The following MEI1 variants were observed in gnomAD, a reference collection of about 807,000 sequenced individuals.
MEI1 encodes the protein meiotic double-stranded break formation protein 1, also known as meiosis inhibitor protein 1.
MEI1 carries 103 observed loss-of-function variants against 146.2 expected under a neutral mutation model. The ratio of observed to expected loss-of-function variants is 0.70; its 90% CI spans 0.60 to 0.83. The LOEUF (loss-of-function observed/expected upper bound fraction) is 0.83. Among genes scored for constraint, MEI1 ranks in the 40% least tolerant of loss-of-function variants. MEI1 has a pLI of 0.00. For missense variants in MEI1, 1,529 were observed against 1,533.0 expected (o/e 1.00, Z 0.04); for synonymous variants, 652 against 628.2 (o/e 1.04, Z -0.57).
intron 15 of MEI1, among the ~76,000 whole-genome samples, chr22:41,752,272 T>G (rs1409400848): frequency 2.0e-5 from 3 of 152,178 alleles, no homozygotes; most frequent in African/African-American, 7.2e-5. Flanking sequence ...TGTACCAAAT[T>G]GTAGTGGAGG....
chr22:41,763,296 A>G lies in MEI1; in HGVS notation c.2243A>G (p.Gln748Arg). Reference sequence around the variant, plus strand: ...TCCATCTATCTGCTTGCAATCTGCCAGGACAAAGACAATACACTACGTGAG... The same window carrying G: ...TCCATCTATCTGCTTGCAATCTGCCGGGACAAAGACAATACACTACGTGAG... ...KASIYLLAIC[Q>R]DKDNTLRETM... Residue 748 changes from glutamine to arginine, a missense_variant, in exon 19 of 31, where the codon CAG (glutamine) becomes CGG (arginine). Transcript: ENST00000401548. 6 of 1,613,954 alleles carry G rather than the reference A, an allele frequency of 3.7e-6. No individual in the cohort carries two copies. The highest frequency in any genetic ancestry group is 2.2e-5 in the East Asian group (1 of 44,868).
At chr22:41,736,379 G>A (rs1294021906) in intron 11 of MEI1, among the ~76,000 whole-genome samples, 1 of 151,188 alleles carries the variant, frequency 6.6e-6, no homozygotes, top group Non-Finnish European at 1.5e-5. Context: ...CCTCCCGAGT[G>A]GCTGGGACTA....
At chr22:41,765,345 G>A (rs1385768846) in intron 19 of MEI1, among the ~76,000 whole-genome samples, 2 of 152,090 alleles carry the variant, frequency 1.3e-5, no homozygotes, top group Non-Finnish European at 2.9e-5. Flanking sequence ...GCCAGGTATG[G>A]TGGTGCGCAC....
At chr22:41,781,914 T>G (rs1033726517) in intron 24 of MEI1, 69 bp downstream of exon 24, 2 of 1,564,978 alleles carry the variant, frequency 1.3e-6, no homozygotes, top group East Asian at 2.3e-5. Flanking sequence ...GATCCTGAGT[T>G]CTGGTCCCAG....
chr22:41,795,362 A>T lies in MEI1; in HGVS notation c.3535-49A>T, dbSNP rs2076324074. 1 of 1,606,666 alleles carries T rather than the reference A, an allele frequency of 6.2e-7. No individual in the cohort carries two copies. The highest frequency in any genetic ancestry group is 1.3e-5 in the African/African-American group (1 of 74,808). On this transcript the variant is annotated intron_variant, in intron 28 of 30. Transcript: ENST00000401548. The surrounding 1 kb of genome is among the most constrained non-coding windows in gnomAD (Gnocchi z 4.2). ...GGGGCACAGCAGTTGTCTATGATGA[A>T]GGAGATGCCAAATCACTGGGTGTTT...
At chr22:41,733,965 A>G (rs1269446177) in intron 11 of MEI1, among the ~76,000 whole-genome samples, 3 of 151,578 alleles carry the variant, frequency 2.0e-5, no homozygotes, top group African/African-American at 7.3e-5. Flanking sequence ...TGTCTTTACT[A>G]AAAATATAAA....
At chr22:41,760,326 AAG>A (rs1270372041) in intron 18 of MEI1, among the ~76,000 whole-genome samples, 14 of 151,244 alleles carry the variant, frequency 9.3e-5, no homozygotes, top group Admixed American at 1.3e-4. Flanking sequence ...AAATAAAAAA[AAG>A]AATAAAAAAA....
chr22:41,770,809 C>G lies in MEI1; in HGVS notation c.2392C>G (p.His798Asp), dbSNP rs913176714. 1 of 1,613,940 alleles carries G rather than the reference C, an allele frequency of 6.2e-7. No individual in the cohort carries two copies. Among genetic ancestry groups the G allele is most frequent in the East Asian group, 2.2e-5 (1 of 44,886 alleles). ...TCCAGAGCTCATGAGTAGGTATGGG[C>G]ACCGTGTCCTGGAACTTTGGTTCTT... ...LYPELMSRYG[H>D]RVLELWFFWE... The change falls in exon 20 of 31, where the codon CAC becomes GAC. Residue 798 changes from histidine to aspartate, a missense_variant. By Grantham distance (81) the His-to-Asp change is moderately conservative. Transcript: ENST00000401548.
chr22:41,758,852 T>A (rs2074269361), intron 18 of MEI1, among the ~76,000 whole-genome samples: 1 of 152,196 alleles, frequency 6.6e-6, no homozygotes, highest in African/African-American at 2.4e-5. Flanking sequence ...ATTACATTTT[T>A]AAAATCATGG....
In MEI1 at chr22:41,795,642, G is replaced by A; in HGVS notation, c.3667-93G>A. The A allele has an allele frequency of 6.3e-7, 1 of 1,591,470 alleles. No homozygotes were observed. Among genetic ancestry groups the A allele is most frequent in the Non-Finnish European group, 8.6e-7 (1 of 1,165,924 alleles). On this transcript the variant is annotated intron_variant, in intron 29 of 30. Transcript: ENST00000401548. The surrounding 1 kb of genome is among the most constrained non-coding windows in gnomAD (Gnocchi z 4.2). ...GCTCTGGCCACAGCAACCAAGGAAT[G>A]GGAGGAGGGAAGTACAGAGGATGGA...
At chr22:41,742,872 G>A (rs1181716089) in intron 11 of MEI1, among the ~76,000 whole-genome samples, 1 of 152,108 alleles carries the variant, frequency 6.6e-6, no homozygotes, top group Non-Finnish European at 1.5e-5. Context: ...TCCATCTCCT[G>A]GACTCAAGAC....
At chr22:41,748,959 C>A (rs190454161) in intron 15 of MEI1, among the ~76,000 whole-genome samples, 2 of 152,186 alleles carry the variant, frequency 1.3e-5, no homozygotes, top group South Asian at 2.1e-4. Context: ...CCCGCCACCA[C>A]GCCCGGCTAA....
intron 5 of MEI1, among the ~76,000 whole-genome samples, chr22:41,717,417 C>G (rs2147361234): frequency 6.6e-6 from 1 of 152,130 alleles, no homozygotes; most frequent in African/African-American, 2.4e-5. Flanking sequence ...CCCACCTCGG[C>G]CTCCCAAAGT....
At position 41,753,982 on chromosome 22, in the gene MEI1, C is replaced by T; in HGVS notation, c.1887C>T (p.Phe629=). ...HSALNQVCSN[F]LYYMCLNLLS... ...CCCTAAACCAGGTGTGTTCCAATTT[C>T]CTCTACTATATGTGCCTCAACCTTC... The change falls in exon 17 of 31, where the codon TTC becomes TTT. Residue 629 remains phenylalanine (F), a synonymous_variant. Transcript: ENST00000401548. 1 of 1,613,720 alleles carries T rather than the reference C, an allele frequency of 6.2e-7. No individual in the cohort carries two copies.
chr22:41,737,056 T>C (rs5758442), intron 11 of MEI1, among the ~76,000 whole-genome samples: 97,070 of 151,982 alleles, frequency 0.64, 34,152 homozygotes, highest in East Asian at 0.92. Flanking sequence ...CTGCTTTCTG[T>C]TTCTTGAACA....
intron 11 of MEI1, among the ~76,000 whole-genome samples, chr22:41,737,754 C>T (rs182881534): frequency 6.6e-6 from 1 of 152,198 alleles, no homozygotes; most frequent in East Asian, 1.9e-4. Flanking sequence ...ATATAAGCTC[C>T]AGGAGCTAAA....
At chr22:41,780,909 G>C (rs1602125294) in intron 22 of MEI1, among the ~76,000 whole-genome samples, 1 of 151,912 alleles carries the variant, frequency 6.6e-6, no homozygotes, top group Non-Finnish European at 1.5e-5. Context: ...TTGCTGACGG[G>C]GACAAGAGGA....
chr22:41,706,507 T>A (rs954990375), intron 3 of MEI1, among the ~76,000 whole-genome samples: 1 of 152,078 alleles, frequency 6.6e-6, no homozygotes, highest in Non-Finnish European at 1.5e-5. Context: ...TTTTAGTACA[T>A]CTCGTATTGG....
chr22:41,705,999 C>T (rs768865432), intron 3 of MEI1, among the ~76,000 whole-genome samples: 52 of 151,744 alleles, frequency 3.4e-4, no homozygotes, highest in Non-Finnish European at 6.0e-4. Context: ...TGAGCCACTG[C>T]ACCCAGTCTT....
Sources: allele counts gnomAD v4.1 joint callset (sites outside exome capture counted in the v4.1 genomes callset), GRCh38; gene constraint gnomAD v4.1.1; non-coding constraint Gnocchi (gnomAD v3.1); transcripts MANE v1.5; gene names NCBI Gene and HGNC (gene_info 2026-07-23, HGNC 2026-07-21).